LRP1B: variants seen among roughly 807,000 people sequenced by gnomAD.
LRP1B encodes LDL receptor related protein 1B.
LRP1B carries 217 observed loss-of-function variants against 556.6 expected under a neutral mutation model. The ratio of observed to expected loss-of-function variants is 0.39; its 90% CI spans 0.35 to 0.44. The LOEUF (loss-of-function observed/expected upper bound fraction) is 0.44, where lower values mean the gene tolerates loss of function less well. Among genes scored for constraint, LRP1B ranks in the 20% least tolerant of loss-of-function variants. LRP1B has a pLI of 1.00. For missense variants in LRP1B, 5,053 were observed against 5,620.8 expected (o/e 0.90, Z 3.23); for synonymous variants, 2,047 against 1,865.8 (o/e 1.10, Z -2.50).
At chr2:140,792,752 T>A (rs571158292) in intron 32 of LRP1B, among the ~76,000 whole-genome samples, 4 of 151,814 alleles carry the variant, frequency 2.6e-5, no homozygotes, top group Admixed American at 6.6e-5. Context: ...GGAGAGAGAG[T>A]AAGGAGGAAT....
At chr2:141,536,779 AT>A (rs1018347428) in intron 2 of LRP1B, among the ~76,000 whole-genome samples, 1 of 151,990 alleles carries the variant, frequency 6.6e-6, no homozygotes, top group Non-Finnish European at 1.5e-5. Context: ...CATAATATCA[AT>A]TTTTTTCTTG....
chr2:141,268,995 G>C (rs1433756709), intron 3 of LRP1B, among the ~76,000 whole-genome samples: 1 of 152,144 alleles, frequency 6.6e-6, no homozygotes. Flanking sequence ...CATGACACTT[G>C]TAAAGCAGAG....
intron 1 of LRP1B, among the ~76,000 whole-genome samples, chr2:142,016,015 G>A (rs1449729549): frequency 2.7e-4 from 8 of 29,956 alleles, no homozygotes; most frequent in Admixed American, 3.5e-4. Context: ...AAAAAAAAGT[G>A]GGTGAAGGAG....
chr2:140,335,076 A>G (rs963121639), intron 78 of LRP1B, among the ~76,000 whole-genome samples: 4 of 151,908 alleles, frequency 2.6e-5, no homozygotes, highest in African/African-American at 7.2e-5. Context: ...GATGATTAAG[A>G]TTTTTAGTTA....
chr2:141,461,758 T>C (rs1681881106), intron 3 of LRP1B, among the ~76,000 whole-genome samples: 1 of 152,218 alleles, frequency 6.6e-6, no homozygotes, highest in East Asian at 1.9e-4. Flanking sequence ...CCCCCTCTGT[T>C]GGAAGACAAC....
chr2:140,996,632 G>A (rs1384996739), intron 15 of LRP1B, among the ~76,000 whole-genome samples: 1 of 151,938 alleles, frequency 6.6e-6, no homozygotes, highest in Non-Finnish European at 1.5e-5. Context: ...AACAGAGATT[G>A]GCATTATTGC....
intron 1 of LRP1B, among the ~76,000 whole-genome samples, chr2:142,006,810 T>A (rs947354873): frequency 6.6e-5 from 10 of 152,008 alleles, no homozygotes; most frequent in Non-Finnish European, 1.3e-4. Flanking sequence ...CTTCCCACAG[T>A]GCTGATGTTT....
At chr2:140,671,461 C>G (rs982153886) in intron 41 of LRP1B, among the ~76,000 whole-genome samples, 2 of 152,162 alleles carry the variant, frequency 1.3e-5, no homozygotes, top group Non-Finnish European at 2.9e-5. Flanking sequence ...GCAGAGCTTG[C>G]AGTGAGCCAA....
intron 86 of LRP1B, among the ~76,000 whole-genome samples, chr2:140,262,208 T>G (rs1359790753): frequency 6.6e-6 from 1 of 152,020 alleles, no homozygotes; most frequent in Non-Finnish European, 1.5e-5. Context: ...CCAGGGAAAC[T>G]CCAACAAGTT....
chr2:141,790,172 A>G (rs1296901604), intron 2 of LRP1B, among the ~76,000 whole-genome samples: 1 of 151,902 alleles, frequency 6.6e-6, no homozygotes. Context: ...TAAACTTTGC[A>G]ATTTATCTTC....
intron 2 of LRP1B, among the ~76,000 whole-genome samples, chr2:141,496,025 T>C (rs1683497038): frequency 6.6e-6 from 1 of 152,056 alleles, no homozygotes; most frequent in Non-Finnish European, 1.5e-5. Context: ...TTATATTATT[T>C]TATTACAACT....
At chr2:140,859,442 T>C (rs1309893156) in intron 27 of LRP1B, among the ~76,000 whole-genome samples, 1 of 152,130 alleles carries the variant, frequency 6.6e-6, no homozygotes, top group Non-Finnish European at 1.5e-5. Flanking sequence ...TGTTTTCTTA[T>C]AGATGTTGTC....
chr2:141,464,606 A>ATTTTTTTTTT (rs71391651), intron 3 of LRP1B, among the ~76,000 whole-genome samples: 6 of 90,512 alleles, frequency 6.6e-5, no homozygotes, highest in East Asian at 2.8e-4. Context: ...ATATATATAT[A>ATTTTTTTTTT]TTTTTTTAGT....
In LRP1B at chr2:140,238,258, C is replaced by A; in HGVS notation, c.13454G>T (p.Gly4485Val). 2 of 1,566,162 alleles carry A rather than the reference C, an allele frequency of 1.3e-6. No individual in the cohort carries two copies. Among genetic ancestry groups the A allele is most frequent in the African/African-American group, 1.4e-5 (1 of 73,518 alleles). The change falls in exon 89 of 91, where the codon GGA (glycine) becomes GTA (valine). Residue 4485 changes from glycine (G) to valine (V), a missense_variant. Physicochemically the swap from Gly to Val is moderately radical, Grantham distance 109. This residue lies in a region of LRP1B where 551 missense variants were observed against 592.0 expected (regional missense o/e 0.93). Coordinates refer to ENST00000389484, the MANE Select transcript of LRP1B (RefSeq NM_018557.3). ...TGGATTGCCAATTTCTACATTTATTCCTCCATTGATAATAGGTTGTCTTCT... is the reference window on the plus strand; with the variant it reads ...TGGATTGCCAATTTCTACATTTATTACTCCATTGATAATAGGTTGTCTTCT... ...TIRRQPIING[G>V]INVEIGNPSY...
chr2:141,965,982 C>A (rs1701555140), intron 1 of LRP1B, among the ~76,000 whole-genome samples: 2 of 151,628 alleles, frequency 1.3e-5, no homozygotes, highest in South Asian at 4.1e-4. Flanking sequence ...TGACTAATTC[C>A]ACCAACTAGC....
intron 2 of LRP1B, among the ~76,000 whole-genome samples, chr2:141,495,234 T>C (rs774987723): frequency 6.6e-6 from 1 of 152,156 alleles, no homozygotes; most frequent in Non-Finnish European, 1.5e-5. Context: ...CGATAAATAC[T>C]GTTGTAGCAA....
At chr2:140,608,071 T>A in intron 41 of LRP1B, among the ~76,000 whole-genome samples, 1 of 151,572 alleles carries the variant, frequency 6.6e-6, no homozygotes, top group African/African-American at 2.4e-5. Context: ...TTAAACAAAT[T>A]AAAAATCTAC....
At chr2:141,130,549 G>T (rs1359176716) in intron 7 of LRP1B, among the ~76,000 whole-genome samples, 1 of 151,986 alleles carries the variant, frequency 6.6e-6, no homozygotes, top group Non-Finnish European at 1.5e-5. Flanking sequence ...TAAAAGATGT[G>T]TAAATTTTAC....
chr2:142,024,353 CAG>C (rs1292675247), intron 1 of LRP1B, among the ~76,000 whole-genome samples: 1 of 152,192 alleles, frequency 6.6e-6, no homozygotes, highest in African/African-American at 2.4e-5. Flanking sequence ...TGACCTGCAT[CAG>C]AGTCACCTGG....
Sources: gnomAD v4.1 joint callset for allele counts (sites outside exome capture counted in the v4.1 genomes callset) on GRCh38, gnomAD v4.1.1 for gene constraint, gnomAD v4.1.1 regional missense constraint, MANE v1.5 for transcripts, NCBI Gene and HGNC (gene_info 2026-07-23, HGNC 2026-07-21) for gene names.